The following STXBP5L variants were observed in gnomAD, a reference collection of about 807,000 sequenced individuals.
The protein encoded by STXBP5L is syntaxin-binding protein 5-like.
STXBP5L carries 65 observed loss-of-function variants against 144.5 expected under a neutral mutation model. That is an observed-to-expected ratio of 0.45 (90% CI 0.37 to 0.55). STXBP5L has a LOEUF of 0.55. STXBP5L is among the 20% of genes least tolerant of loss of function. The pLI, the probability that STXBP5L is intolerant of heterozygous loss-of-function variation, is 0.00. For synonymous variants in STXBP5L, 505 were observed against 469.6 expected (o/e 1.08, Z -0.97); for missense variants, 1,298 against 1,405.5 (o/e 0.92, Z 1.22).
intron 9 of STXBP5L, among the ~76,000 whole-genome samples, chr3:121,181,784 A>G (rs988629561): frequency 4.6e-5 from 7 of 151,948 alleles, no homozygotes; most frequent in African/African-American, 1.7e-4. Flanking sequence ...ACAAAAAACA[A>G]CCAAGTGTTC....
At chr3:121,205,869 C>A (rs2048315777) in intron 9 of STXBP5L, 54 bp from the exon 10 acceptor site, 4 of 948,574 alleles carry the variant, frequency 4.2e-6, no homozygotes, top group Middle Eastern at 3.5e-4. Flanking sequence ...TTTTTTAATT[C>A]TTACAGATGA....
At chr3:121,049,009 T>C (rs543045239) in intron 5 of STXBP5L, among the ~76,000 whole-genome samples, 3 of 152,214 alleles carry the variant, frequency 2.0e-5, no homozygotes, top group South Asian at 2.1e-4. Flanking sequence ...GCAGCAAAAA[T>C]GGTGGCCTGC....
intron 4 of STXBP5L, among the ~76,000 whole-genome samples, chr3:121,043,501 G>T (rs1012305809): frequency 2.6e-5 from 4 of 152,102 alleles, no homozygotes; most frequent in Admixed American, 6.6e-5. Flanking sequence ...ACGAGGTCAA[G>T]AGATCAAGAC....
At chr3:120,973,509 A>G (rs1288498259) in intron 3 of STXBP5L, among the ~76,000 whole-genome samples, 1 of 151,766 alleles carries the variant, frequency 6.6e-6, no homozygotes, top group Non-Finnish European at 1.5e-5. Flanking sequence ...TTTCTAAAAT[A>G]TTTTCAGAAT....
intron 20 of STXBP5L, among the ~76,000 whole-genome samples, chr3:121,327,813 T>C (rs2044199984): frequency 6.6e-6 from 1 of 152,226 alleles, no homozygotes; most frequent in Non-Finnish European, 1.5e-5. Flanking sequence ...GCCCAGAATC[T>C]AACAAGTCCG....
chr3:121,168,572 A>C, intron 9 of STXBP5L, among the ~76,000 whole-genome samples: 1 of 152,200 alleles, frequency 6.6e-6, no homozygotes, highest in East Asian at 1.9e-4. Context: ...GAACTGATCA[A>C]GTGTAAGACA....
chr3:121,265,912 C>T (rs1029464935), intron 18 of STXBP5L, among the ~76,000 whole-genome samples: 3 of 152,044 alleles, frequency 2.0e-5, no homozygotes, highest in Non-Finnish European at 4.4e-5. Flanking sequence ...CATATACCCT[C>T]GCAAGACTAA....
chr3:120,921,617 T>A (rs905949772), intron 2 of STXBP5L, among the ~76,000 whole-genome samples: 1 of 152,018 alleles, frequency 6.6e-6, no homozygotes, highest in African/African-American at 2.4e-5. Context: ...GTTCTTAGAT[T>A]TAAGTCTTTA....
intron 20 of STXBP5L, among the ~76,000 whole-genome samples, chr3:121,369,805 G>T (rs2045976474): frequency 6.6e-6 from 1 of 152,080 alleles, no homozygotes; most frequent in Admixed American, 6.5e-5. Flanking sequence ...GAATCTGATG[G>T]TTATGTGTCT....
At chr3:121,259,933 A>G (rs1322677318) in intron 18 of STXBP5L, among the ~76,000 whole-genome samples, 1 of 152,062 alleles carries the variant, frequency 6.6e-6, no homozygotes, top group South Asian at 2.1e-4. Context: ...TCAGAACAAC[A>G]TAATTCAAGC....
At chr3:121,370,588 C>G (rs534073445) in intron 20 of STXBP5L, among the ~76,000 whole-genome samples, 66 of 152,212 alleles carry the variant, frequency 4.3e-4, no homozygotes, top group Non-Finnish European at 8.1e-4. Context: ...CAGATGATAT[C>G]ATAAATGTGT....
chr3:121,387,807 C>A (rs368272292), intron 22 of STXBP5L, among the ~76,000 whole-genome samples: 1 of 152,116 alleles, frequency 6.6e-6, no homozygotes, highest in Admixed American at 6.6e-5. Flanking sequence ...GTTACTGTAG[C>A]CTTAATATAG....
intron 9 of STXBP5L, among the ~76,000 whole-genome samples, chr3:121,180,138 AG>A (rs2047086012): frequency 6.6e-6 from 1 of 152,192 alleles, no homozygotes; most frequent in Admixed American, 6.5e-5. Flanking sequence ...CATAGTCATC[AG>A]GTGGTCCAAA....
intron 5 of STXBP5L, among the ~76,000 whole-genome samples, chr3:121,078,530 C>T (rs567988288): frequency 9.0e-4 from 137 of 152,370 alleles, no homozygotes; most frequent in Non-Finnish European, 1.5e-3. Flanking sequence ...GCCATGCGCC[C>T]GCACTCCTCA....
chr3:121,157,796 T>C, intron 9 of STXBP5L, 169 bp downstream of exon 9: 3 of 838,354 alleles, frequency 3.6e-6, no homozygotes, highest in Non-Finnish European at 5.1e-6. Context: ...ACCCCAAACT[T>C]TCCATACTTC....
At chr3:121,159,383 G>C (rs2046233943) in intron 9 of STXBP5L, among the ~76,000 whole-genome samples, 1 of 151,816 alleles carries the variant, frequency 6.6e-6, no homozygotes, top group Non-Finnish European at 1.5e-5. Context: ...GCCCAGGCTG[G>C]TCCTAAGCTT....
intron 26 of STXBP5L, among the ~76,000 whole-genome samples, 192 bp from the exon 27 acceptor site, chr3:121,418,864 C>A (rs1321498740): frequency 6.6e-6 from 1 of 152,160 alleles, no homozygotes; most frequent in Non-Finnish European, 1.5e-5. Flanking sequence ...CATTTTCTAT[C>A]AGCTGAGTCT....
At chr3:120,982,495 C>T (rs568953769) in intron 3 of STXBP5L, among the ~76,000 whole-genome samples, 1 of 152,152 alleles carries the variant, frequency 6.6e-6, no homozygotes, top group Non-Finnish European at 1.5e-5. Context: ...CCCTGTTATA[C>T]CCCTGTCCCA....
At chr3:121,214,257 A>G (rs557027275) in intron 10 of STXBP5L, among the ~76,000 whole-genome samples, 1 of 151,968 alleles carries the variant, frequency 6.6e-6, no homozygotes, top group Non-Finnish European at 1.5e-5. Context: ...TAGCTTTTGA[A>G]TATGTTTGCT....
Sources: gnomAD v4.1 joint callset for allele counts (sites outside exome capture counted in the v4.1 genomes callset) on GRCh38, gnomAD v4.1.1 for gene constraint, MANE v1.5 for transcripts, NCBI Gene and HGNC (gene_info 2026-07-23, HGNC 2026-07-21) for gene names.